SI: variants seen among roughly 807,000 people sequenced by gnomAD.
SI encodes the protein sucrase-isomaltase, intestinal.
A neutral mutation model predicts 253.3 loss-of-function variants in SI; 235 were observed. The ratio of observed to expected loss-of-function variants is 0.93; its 90% CI spans 0.83 to 1.03. SI has a LOEUF of 1.03. SI is among the 50% of genes least tolerant of loss of function. The probability of loss-of-function intolerance (pLI) is 0.00; values close to 1 mark genes in which losing one functional copy is unlikely to be tolerated. For synonymous variants in SI, 819 were observed against 712.0 expected, an observed-to-expected ratio of 1.15 and a Z score of -2.39; for missense variants, 2,442 against 2,211.1, an observed-to-expected ratio of 1.10 and a Z score of -2.09.
chr3:165,046,493 G>C (rs2108227805), intron 16 of SI, among the ~76,000 whole-genome samples: 1 of 151,884 alleles, frequency 6.6e-6, no homozygotes, highest in South Asian at 2.1e-4. Context: ...AGTAGACTTA[G>C]ACTTCTGACA....
upstream of SI, among the ~76,000 whole-genome samples, chr3:165,082,182 T>C (rs554474521): frequency 7.9e-5 from 12 of 152,114 alleles, no homozygotes; most frequent in African/African-American, 2.6e-4. Flanking sequence ...TCTATCTCAA[T>C]TGATATCTTT....
At position 164,992,681 on chromosome 3, in the gene SI, A is replaced by G. The variant is rs189599250; in HGVS notation, c.4842-284T>C. 1.1e-4 allele frequency among the ~76,000 whole-genome samples: 16 copies of G among 151,996 alleles called. No individual in the cohort carries two copies. In the East Asian group the frequency reaches 3.1e-3, roughly 29 times the overall value. On this transcript the variant is annotated intron_variant, in intron 41 of 47. Coordinates refer to ENST00000264382, the MANE Select transcript of SI (RefSeq NM_001041.4). Reference sequence around the variant, plus strand: ...TAAATGAGAAATTACTTTGGAAGAGAACTAATAGAGGTACAAATATTAACT... The same window carrying G: ...TAAATGAGAAATTACTTTGGAAGAGGACTAATAGAGGTACAAATATTAACT...
At chr3:165,043,230 G>A in intron 16 of SI, 55 bp from the exon 17 acceptor site, 2 of 1,230,074 alleles carry the variant, frequency 1.6e-6, no homozygotes, top group Non-Finnish European at 2.4e-6. Flanking sequence ...AATTTGCCTA[G>A]AGCATCACAC....
chr3:165,047,108 T>C, intron 15 of SI, 96 bp from the exon 16 acceptor site: 1 of 1,015,880 alleles, frequency 9.8e-7, no homozygotes, highest in Non-Finnish European at 1.4e-6. Flanking sequence ...CCATGTGATA[T>C]AGTTTGGCTG....
rs192640245 is a variant in SI at position 165,012,999 on chromosome 3, G to T, written c.4043C>A (p.Thr1348Lys). 4 of 1,608,522 alleles carry T rather than the reference G, an allele frequency of 2.5e-6. No individual in the cohort carries two copies. In the South Asian group the frequency reaches 3.3e-5, roughly 13 times the overall value. ...ACTTACATTAACAGCTTCATCTTCC[G>T]TTAGAGTTTTATCTATTGTTATGTT... ...LPNITIDKTLTEDEAVNASRA... is the reference protein window; with the variant it reads ...LPNITIDKTLKEDEAVNASRA... The change falls in exon 34 of 48, where the codon ACG (threonine) becomes AAG (lysine). Residue 1348 changes from threonine to lysine, a missense_variant. By Grantham distance (78) the Thr-to-Lys change is moderately conservative. Coordinates refer to ENST00000264382, the MANE Select transcript of SI (RefSeq NM_001041.4).
At chr3:165,009,478 C>T (rs1718670787) in intron 34 of SI, 83 bp from the exon 35 acceptor site, 1 of 796,692 alleles carries the variant, frequency 1.3e-6, no homozygotes. Flanking sequence ...TTTGACAGAT[C>T]CACAAGTCAT....
At chr3:165,076,346 T>C (rs1259123705) in intron 1 of SI, among the ~76,000 whole-genome samples, 1 of 151,860 alleles carries the variant, frequency 6.6e-6, no homozygotes, top group Non-Finnish European at 1.5e-5. Flanking sequence ...TCTTGCCTTC[T>C]CATTTAGAGC....
intron 24 of SI, 68 bp downstream of exon 24, chr3:165,032,454 T>G: frequency 9.3e-7 from 1 of 1,071,052 alleles, no homozygotes; most frequent in Admixed American, 1.8e-5. Flanking sequence ...GATAAGTGCC[T>G]GAATGGTTAT....
At chr3:165,045,403 A>C (rs368683802) in intron 16 of SI, among the ~76,000 whole-genome samples, 1 of 152,168 alleles carries the variant, frequency 6.6e-6, no homozygotes, top group Admixed American at 6.6e-5. Flanking sequence ...ACAGTTTATT[A>C]ATTGGTTGCT....
intron 16 of SI, 149 bp from the exon 17 acceptor site, chr3:165,043,324 C>A: frequency 1.7e-6 from 1 of 592,956 alleles, no homozygotes; most frequent in Non-Finnish European, 3.0e-6. Flanking sequence ...ATTTATTTTC[C>A]ATTTTTGCTC....
intron 45 of SI, 117 bp downstream of exon 45, chr3:164,987,021 C>T (rs138890860): frequency 1.2e-6 from 1 of 821,452 alleles, no homozygotes; most frequent in Non-Finnish European, 2.1e-6. Context: ...AATCTTTTAG[C>T]CTTGAATAAT....
chr3:164,984,353 C>CT (rs1189330323), intron 45 of SI, among the ~76,000 whole-genome samples: 2 of 152,046 alleles, frequency 1.3e-5, no homozygotes, highest in Admixed American at 6.6e-5. Context: ...CTGCCTAAGA[C>CT]TTTTTTATGT....
chr3:165,054,324 A>G (rs1190130414), intron 13 of SI, among the ~76,000 whole-genome samples: 4 of 152,094 alleles, frequency 2.6e-5, no homozygotes, highest in Non-Finnish European at 5.9e-5. Context: ...CAGGCCATCA[A>G]TAACTACAGA....
rs377165751 is a variant in SI at position 165,067,468 on chromosome 3, T to C, written c.507A>G (p.Arg169=). The C allele has an allele frequency of 6.2e-7, 1 of 1,610,200 alleles. No individual in the cohort carries two copies. Among genetic ancestry groups the C allele is most frequent in the African/African-American group, 1.3e-5 (1 of 74,806 alleles). ...TTACATACTGATGAGGAACTTCATA[T>C]CTTCTATTATTTGGATCAGTAATCT... ...RFKITDPNNR[R]YEVPHQYVKE... is the part of the protein sequence containing the mutation. Residue 169 remains arginine (R), a synonymous_variant, in exon 6 of 48, where the codon AGA becomes AGG. Coordinates refer to ENST00000264382, the MANE Select transcript of SI (RefSeq NM_001041.4).
At chr3:165,059,364 T>C in intron 10 of SI, 65 bp from the exon 11 acceptor site, 1 of 1,455,462 alleles carries the variant, frequency 6.9e-7, no homozygotes, top group Non-Finnish European at 9.6e-7. Flanking sequence ...AAGTCAATCT[T>C]TAACTCCATT....
chr3:164,987,432 C>T (rs144832216), intron 44 of SI, among the ~76,000 whole-genome samples: 8 of 152,130 alleles, frequency 5.3e-5, no homozygotes, highest in East Asian at 3.9e-4. Context: ...ATATTTAGGC[C>T]GGGTGCGGTG....
upstream of SI, among the ~76,000 whole-genome samples, chr3:165,082,006 T>C (rs898378128): frequency 2.0e-5 from 3 of 151,942 alleles, no homozygotes; most frequent in Non-Finnish European, 2.9e-5. Flanking sequence ...GATGCATAGA[T>C]AAATAAATAA....
chr3:164,989,430 A>G (rs1717621197), intron 44 of SI, among the ~76,000 whole-genome samples: 1 of 149,106 alleles, frequency 6.7e-6, no homozygotes, highest in Non-Finnish European at 1.5e-5. Context: ...GAAAGAAAGA[A>G]AGAAAGGAAA....
intron 12 of SI, among the ~76,000 whole-genome samples, chr3:165,056,573 G>A (rs910258478): frequency 6.6e-6 from 1 of 152,116 alleles, no homozygotes; most frequent in Non-Finnish European, 1.5e-5. Flanking sequence ...AGTGCCCATG[G>A]TGCATGGAGA....
Sources: allele counts gnomAD v4.1 joint callset (sites outside exome capture counted in the v4.1 genomes callset), GRCh38; gene constraint gnomAD v4.1.1; transcripts MANE v1.5; gene names NCBI Gene and HGNC (gene_info 2026-07-23, HGNC 2026-07-21).